FAM120B: variants seen among roughly 807,000 people sequenced by gnomAD.
FAM120B encodes the protein family with sequence similarity 120 member B.
FAM120B carries 83 observed loss-of-function variants against 96.3 expected under a neutral mutation model. The ratio of observed to expected loss-of-function variants is 0.86; its 90% CI spans 0.72 to 1.03. The LOEUF is 1.03. Ranked by LOEUF, FAM120B falls within the 50% of genes least tolerant of loss-of-function variation. FAM120B has a pLI of 0.00. For synonymous variants in FAM120B, 407 were observed against 402.7 expected (o/e 1.01, Z -0.13); for missense variants, 1,027 against 1,121.2 (o/e 0.92, Z 1.20).
At chr6:170,383,926 C>T (rs1393916249) in intron 6 of FAM120B, among the ~76,000 whole-genome samples, 2 of 152,176 alleles carry the variant, frequency 1.3e-5, no homozygotes, top group Non-Finnish European at 2.9e-5. Context: ...TGCCATGAAG[C>T]ACAACTCGGC....
chr6:170,324,139 C>T (rs1785455439), intron 3 of FAM120B, among the ~76,000 whole-genome samples: 1 of 152,208 alleles, frequency 6.6e-6, no homozygotes, highest in African/African-American at 2.4e-5. Flanking sequence ...ATTAACCGTA[C>T]TCTGTTGTTC....
chr6:170,373,319 C>T (rs1378208307), intron 6 of FAM120B, among the ~76,000 whole-genome samples: 1 of 152,186 alleles, frequency 6.6e-6, no homozygotes, highest in African/African-American at 2.4e-5. Context: ...AAGCCAAAGG[C>T]CATACCTTTC....
intron 4 of FAM120B, among the ~76,000 whole-genome samples, chr6:170,331,646 A>T (rs1276243220): frequency 6.6e-6 from 1 of 152,244 alleles, no homozygotes; most frequent in East Asian, 1.9e-4. Flanking sequence ...TCCAAATATA[A>T]TATGGAAAAT....
chr6:170,326,375 G>T (rs1361150512), intron 3 of FAM120B, among the ~76,000 whole-genome samples: 1 of 152,082 alleles, frequency 6.6e-6, no homozygotes, highest in African/African-American at 2.4e-5. Context: ...CTGTGTCCTG[G>T]CAATCTTTCT....
intron 6 of FAM120B, among the ~76,000 whole-genome samples, chr6:170,379,450 T>G (rs1789776656): frequency 6.6e-6 from 1 of 152,202 alleles, no homozygotes; most frequent in African/African-American, 2.4e-5. Context: ...CCAGAAGTGT[T>G]TCAGATTTCT....
chr6:170,391,134 C>G lies in FAM120B; in HGVS notation c.2599+13C>G. ...TCACACCACGCAGGTGGGAAAGGGCCAGGTGCCTCTAGAAGCCCCACAAGC... is the reference window on the plus strand; with the variant it reads ...TCACACCACGCAGGTGGGAAAGGGCGAGGTGCCTCTAGAAGCCCCACAAGC... On this transcript the variant is annotated intron_variant, in intron 8 of 10. Coordinates refer to ENST00000476287, the MANE Select transcript of FAM120B (RefSeq NM_032448.3). 1 of 1,590,574 alleles carries G rather than the reference C, an allele frequency of 6.3e-7. No homozygotes were observed. The highest frequency in any genetic ancestry group is 8.6e-7 in the Non-Finnish European group (1 of 1,159,092).
At chr6:170,347,940 AG>A (rs1787301490) in intron 4 of FAM120B, among the ~76,000 whole-genome samples, 1 of 152,206 alleles carries the variant, frequency 6.6e-6, no homozygotes, top group Admixed American at 6.5e-5. Flanking sequence ...CATTAAAAAA[AG>A]AAGGAATGTT....
At chr6:170,320,155 C>T (rs1005244133) in intron 2 of FAM120B, among the ~76,000 whole-genome samples, 7 of 152,184 alleles carry the variant, frequency 4.6e-5, no homozygotes, top group Admixed American at 2.6e-4. Context: ...ACACACCTTT[C>T]CTTGTTCCCA....
At chr6:170,336,586 G>T (rs1786438628) in intron 4 of FAM120B, among the ~76,000 whole-genome samples, 1 of 152,118 alleles carries the variant, frequency 6.6e-6, no homozygotes, top group Non-Finnish European at 1.5e-5. Flanking sequence ...ATGTTAGCTT[G>T]GTGGGAATAG....
intron 9 of FAM120B, among the ~76,000 whole-genome samples, chr6:170,396,037 CT>C (rs1752234836): frequency 6.6e-6 from 1 of 152,206 alleles, no homozygotes; most frequent in Non-Finnish European, 1.5e-5. Flanking sequence ...TGTACAGATG[CT>C]GTTTTAATGC....
At chr6:170,369,585 C>T (rs1456641856) in intron 6 of FAM120B, among the ~76,000 whole-genome samples, 1 of 152,016 alleles carries the variant, frequency 6.6e-6, no homozygotes, top group Non-Finnish European at 1.5e-5. Context: ...ATAAAGGTTC[C>T]AGGTGTTGCC....
chr6:170,325,692 T>C (rs1436933927), intron 3 of FAM120B, among the ~76,000 whole-genome samples: 1 of 151,980 alleles, frequency 6.6e-6, no homozygotes, highest in African/African-American at 2.4e-5. Flanking sequence ...AATACAGATA[T>C]TAGCTGGGCA....
In FAM120B at chr6:170,358,061, T is replaced by C. The variant is rs563008559; in HGVS notation, c.2191-165T>C. 2.0e-4 allele frequency among the ~76,000 whole-genome samples: 31 copies of C among 152,272 alleles called. 1 individual carries two copies. Among genetic ancestry groups the C allele is most frequent in the African/African-American group, 7.0e-4 (29 of 41,554 alleles). On this transcript the variant is annotated intron_variant, in intron 5 of 10. Transcript: ENST00000476287. ...GCGTGTACCCATGTGTGTGCACCTCTGTGTGCTTGTGTGCACATGTGGGTG... is the reference window on the plus strand; with the variant it reads ...GCGTGTACCCATGTGTGTGCACCTCCGTGTGCTTGTGTGCACATGTGGGTG...
upstream of FAM120B, among the ~76,000 whole-genome samples, chr6:170,292,668 A>G (rs1051717653): frequency 7.2e-5 from 11 of 152,224 alleles, no homozygotes; most frequent in Admixed American, 7.2e-4. The surrounding 1 kb of genome is among the most constrained non-coding windows in gnomAD (Gnocchi z 6.6). Context: ...TGCAGCCAGA[A>G]ATCTGAAGGT....
At chr6:170,403,026 A>G (rs1778664947) in intron 9 of FAM120B, among the ~76,000 whole-genome samples, 1 of 152,172 alleles carries the variant, frequency 6.6e-6, no homozygotes, top group Admixed American at 6.5e-5. Context: ...GGCAAAATTG[A>G]GATGTTAAAT....
chr6:170,373,636 G>A (rs1293728350), intron 6 of FAM120B, among the ~76,000 whole-genome samples: 2 of 152,178 alleles, frequency 1.3e-5, no homozygotes, highest in African/African-American at 4.8e-5. Flanking sequence ...ACCGCACAGT[G>A]TTTTTGGTAT....
At chr6:170,349,313 G>A (rs1211344563) in intron 5 of FAM120B, among the ~76,000 whole-genome samples, 1 of 152,108 alleles carries the variant, frequency 6.6e-6, no homozygotes, top group Non-Finnish European at 1.5e-5. Context: ...CATTGGCATA[G>A]CCTTTCAGTG....
intron 4 of FAM120B, 134 bp downstream of exon 4, chr6:170,330,684 A>T (rs1785962237): frequency 1.5e-6 from 1 of 679,666 alleles, no homozygotes; most frequent in Admixed American, 2.7e-5. Flanking sequence ...CCCTTGGCTC[A>T]TGATTAATGT....
intron 4 of FAM120B, among the ~76,000 whole-genome samples, chr6:170,336,618 T>C (rs916222186): frequency 1.3e-5 from 2 of 152,256 alleles, no homozygotes; most frequent in African/African-American, 2.4e-5. Flanking sequence ...TAAATTACTT[T>C]GGGCAGTATG....
Sources: gnomAD v4.1 joint callset for allele counts (sites outside exome capture counted in the v4.1 genomes callset) on GRCh38, gnomAD v4.1.1 for gene constraint, Gnocchi (gnomAD v3.1) non-coding constraint, MANE v1.5 for transcripts, NCBI Gene and HGNC (gene_info 2026-07-23, HGNC 2026-07-21) for gene names.